DENND10: variants seen among roughly 807,000 people sequenced by gnomAD.
The protein encoded by DENND10 is DENN domain containing 10.
Under a neutral mutation model 43.6 loss-of-function variants are expected in DENND10, and 24 were observed. The observed-to-expected ratio is 0.55, with a 90% CI of 0.40 to 0.77. DENND10 has a LOEUF of 0.77. DENND10 is among the 30% of genes least tolerant of loss of function. The pLI, the probability that DENND10 is intolerant of heterozygous loss-of-function variation, is 0.00. For synonymous variants in DENND10, 125 were observed against 157.6 expected (o/e 0.79, Z 1.55); for missense variants, 303 against 429.9 (o/e 0.70, Z 2.61).
At chr10:119,122,429 C>T (rs1009426619) in intron 5 of DENND10, among the ~76,000 whole-genome samples, 1 of 152,152 alleles carries the variant, frequency 6.6e-6, no homozygotes, top group Non-Finnish European at 1.5e-5. Flanking sequence ...AGATGCTTAA[C>T]ATGTACCTAG....
intron 1 of DENND10, 120 bp from the exon 2 acceptor site, chr10:119,107,848 G>A (rs1846252940): frequency 2.3e-6 from 2 of 879,498 alleles, no homozygotes; most frequent in Admixed American, 1.9e-5. Flanking sequence ...GTCAGGTATT[G>A]TGAGTTGCTT....
intron 2 of DENND10, among the ~76,000 whole-genome samples, chr10:119,109,262 G>T (rs1188915888): frequency 6.6e-6 from 1 of 151,556 alleles, no homozygotes; most frequent in African/African-American, 2.4e-5. Flanking sequence ...AAGGCAGCTT[G>T]TGTATTAAGT....
intron 5 of DENND10, among the ~76,000 whole-genome samples, chr10:119,121,435 C>CCATTAGG (rs1457618103): frequency 6.8e-6 from 1 of 147,080 alleles, no homozygotes; most frequent in African/African-American, 2.5e-5. Context: ...CCACACCCAG[C>CCATTAGG]CATTAGGTCC....
chr10:119,130,626 C>T (rs1421381761), intron 7 of DENND10, among the ~76,000 whole-genome samples: 4 of 152,148 alleles, frequency 2.6e-5, no homozygotes, highest in African/African-American at 9.7e-5. Context: ...ACAGTTTTGG[C>T]GGATCAGGAA....
chr10:119,108,115 G>T lies in DENND10; in HGVS notation c.203G>T (p.Trp68Leu). The T allele has an allele frequency of 6.2e-7, 1 of 1,613,834 alleles. No homozygotes were observed. The highest frequency in any genetic ancestry group is 1.3e-5 in the African/African-American group (1 of 74,974). Residue 68 changes from tryptophan (W) to leucine (L), a missense_variant, in exon 2 of 9, where the codon TGG (tryptophan) becomes TTG (leucine). Physicochemically the swap from Trp to Leu is moderately conservative, Grantham distance 61. Coordinates refer to ENST00000361432, the MANE Select transcript of DENND10 (RefSeq NM_207009.4). ...PFVFGQYRRT[W>L]FYITTIEVPD... ...GTCTTTGGTCAGTACAGAAGAACAT[G>T]GTTTTATATCACAACAATTGAAGTT...
Position 119,132,684 on chromosome 10 carries a change from C to A in DENND10, c.897+75C>A. On this transcript the variant is annotated intron_variant, in intron 8 of 8. Coordinates refer to ENST00000361432, the MANE Select transcript of DENND10 (RefSeq NM_207009.4). This position sits in a 1 kb window ranked among gnomAD's most constrained non-coding sequence, Gnocchi z 4.2. The stretch of plus-strand genomic sequence containing the variant: ...GGGTGGTGTGCGGCAGAGCTGTGCA[C>A]ATAAGCAGAGTGGGGGGCTGTGGTA... 1 of 1,241,154 alleles carries A rather than the reference C, an allele frequency of 8.1e-7. No homozygotes were observed. The highest frequency in any genetic ancestry group is 1.2e-6 in the Non-Finnish European group (1 of 840,596). The allele number at this position is 1,241,154 out of a possible 1,614,324, so 76.9% of individuals were successfully genotyped here.
Position 119,108,114 on chromosome 10 carries a change from T to C in DENND10, c.202T>C (p.Trp68Arg), listed in dbSNP as rs139297620. 1 of 1,613,934 alleles carries C rather than the reference T, an allele frequency of 6.2e-7. No individual in the cohort carries two copies. Among genetic ancestry groups the C allele is most frequent in the Middle Eastern group, 1.6e-4 (1 of 6,062 alleles). Reference sequence around the variant, plus strand: ...TGTCTTTGGTCAGTACAGAAGAACATGGTTTTATATCACAACAATTGAAGT... The same window carrying C: ...TGTCTTTGGTCAGTACAGAAGAACACGGTTTTATATCACAACAATTGAAGT... ...PFVFGQYRRT[W>R]FYITTIEVPD... The change falls in exon 2 of 9, where the codon TGG becomes CGG. Residue 68 changes from tryptophan to arginine, a missense_variant. Coordinates refer to ENST00000361432, the MANE Select transcript of DENND10 (RefSeq NM_207009.4).
At chr10:119,125,681 T>G (rs1845798672) in intron 6 of DENND10, among the ~76,000 whole-genome samples, 1 of 151,692 alleles carries the variant, frequency 6.6e-6, no homozygotes, top group Non-Finnish European at 1.5e-5. Flanking sequence ...CTAATTTTTT[T>G]GTATTTTTGG....
intron 4 of DENND10, among the ~76,000 whole-genome samples, chr10:119,118,150 T>G (rs1845388888): frequency 6.6e-6 from 1 of 152,178 alleles, no homozygotes; most frequent in Non-Finnish European, 1.5e-5. Flanking sequence ...TTATTTTCAT[T>G]TACATATTTT....
At chr10:119,106,119 G>C (rs900891950) in intron 1 of DENND10, among the ~76,000 whole-genome samples, 1 of 152,096 alleles carries the variant, frequency 6.6e-6, no homozygotes, top group African/African-American at 2.4e-5. Flanking sequence ...ACTTGAACCC[G>C]GGAGGTGGAA....
intron 1 of DENND10, among the ~76,000 whole-genome samples, chr10:119,107,297 CAAA>C (rs78265277): frequency 3.1e-5 from 4 of 130,932 alleles, no homozygotes; most frequent in Non-Finnish European, 1.6e-5. Flanking sequence ...GACTCCGCCT[CAAA>C]AAAAAAAAAA....
chr10:119,125,982 C>G (rs916195678), intron 6 of DENND10, among the ~76,000 whole-genome samples: 5 of 152,102 alleles, frequency 3.3e-5, no homozygotes, highest in Non-Finnish European at 5.9e-5. Flanking sequence ...TGGTACCCAC[C>G]ATTCTACTCT....
Position 119,104,275 on chromosome 10 carries a change from G to A in DENND10, c.55+78G>A. The stretch of plus-strand genomic sequence containing the variant: ...TCCACCTCGGCCCGGGGCAGCCCGG[G>A]CTCCCGCGGCCCCCGGCGCCGACCG... On this transcript the variant is annotated intron_variant, in intron 1 of 8. Coordinates refer to ENST00000361432, the MANE Select transcript of DENND10 (RefSeq NM_207009.4). The A allele has an allele frequency of 4.4e-6, 6 of 1,371,038 alleles. No individual in the cohort carries two copies. In the South Asian group the frequency reaches 8.4e-5, roughly 19 times the overall value. The allele number at this position is 1,371,038 out of a possible 1,614,324, so 84.9% of individuals were successfully genotyped here.
chr10:119,131,325 G>A lies in DENND10; in HGVS notation c.803-1190G>A, dbSNP rs549857695. Among the ~76,000 whole-genome samples the A allele has an allele frequency of 8.3e-4, 126 of 152,300 alleles. 2 individuals carry two copies. The highest frequency in any genetic ancestry group is 8.2e-3 in the Admixed American group (125 of 15,296). Reference sequence around the variant, plus strand: ...TACAAAAAATTAGCCGGGCGTGGTGGCAGGCGCCTCTAGTCCCAGCTACTC... The same window carrying A: ...TACAAAAAATTAGCCGGGCGTGGTGACAGGCGCCTCTAGTCCCAGCTACTC... On this transcript the variant is annotated intron_variant, in intron 7 of 8. Transcript: ENST00000361432.
intron 4 of DENND10, 29 bp downstream of exon 4, chr10:119,117,696 G>A (rs1255217101): frequency 4.3e-6 from 7 of 1,609,730 alleles, no homozygotes; most frequent in African/African-American, 4.0e-5. Context: ...GGCCAGGGAC[G>A]GTGGCTCACG....
intron 4 of DENND10, among the ~76,000 whole-genome samples, chr10:119,119,051 C>G (rs111821624): frequency 0.013 from 1,949 of 150,072 alleles, 39 homozygotes; most frequent in African/African-American, 0.045. Flanking sequence ...TTTGCTCCAA[C>G]AAGTGTTGCC....
chr10:119,116,665 C>CTTTTTTTTTT (rs71016543), intron 3 of DENND10, among the ~76,000 whole-genome samples: 1 of 132,206 alleles, frequency 7.6e-6, no homozygotes, highest in South Asian at 2.6e-4. Context: ...TTCTTTCTTT[C>CTTTTTTTTTT]TTTTTTTTTT....
rs1411823922 is a variant in DENND10 at position 119,137,682 on chromosome 10, T to G, written c.*1035T>G. 1 of 166,014 alleles carries G rather than the reference T, an allele frequency of 6.0e-6. No homozygotes were observed. The highest frequency in any genetic ancestry group is 1.5e-5 in the Non-Finnish European group (1 of 67,994). The allele number at this position is 166,014 out of a possible 1,614,324, so 10.3% of individuals were successfully genotyped here. A position where few individuals can be genotyped will look rare whatever the true frequency, so the allele number is the denominator to read the frequency against. The stretch of plus-strand genomic sequence containing the variant: ...CACTCAGTACTGATGTCCTTGGAAA[T>G]CTTACCTGGAAACATGTTTGCAAAA... On this transcript the variant is annotated 3_prime_UTR_variant, in exon 9 of 9. Transcript: ENST00000361432.
intron 8 of DENND10, chr10:119,134,225 G>T (rs1328982041): frequency 3.9e-5 from 6 of 151,974 alleles, no homozygotes; most frequent in Admixed American, 3.3e-4. Context: ...TTTTAGTAGA[G>T]ATGGGGTTTC....
Sources: gnomAD v4.1 joint callset for allele counts (sites outside exome capture counted in the v4.1 genomes callset) on GRCh38, gnomAD v4.1.1 for gene constraint, Gnocchi (gnomAD v3.1) non-coding constraint, MANE v1.5 for transcripts, NCBI Gene and HGNC (gene_info 2026-07-23, HGNC 2026-07-21) for gene names.